Variants in SLC5A4 observed in about 807,000 individuals in gnomAD.
SLC5A4 encodes the protein probable glucose sensor protein SLC5A4.
A neutral mutation model predicts 70.3 loss-of-function variants in SLC5A4; 55 were observed. The observed-to-expected ratio is 0.78, with a 90% CI of 0.63 to 0.98. The LOEUF is 0.98. SLC5A4 is among the 50% of genes least tolerant of loss of function. The probability of loss-of-function intolerance (pLI) is 0.00; values close to 1 mark genes in which losing one functional copy is unlikely to be tolerated. For synonymous variants in SLC5A4, 268 were observed against 305.7 expected (o/e 0.88, Z 1.29); for missense variants, 735 against 839.2 (o/e 0.88, Z 1.53).
At chr22:32,307,848 A>G in the SLC5A4 span, among the ~76,000 whole-genome samples, 1 of 152,198 alleles carries the variant, frequency 6.6e-6, no homozygotes, top group Non-Finnish European at 1.5e-5. Context: ...GACTGTCCCA[A>G]TGCTGTGGGG....
At chr22:32,271,617 A>T in the SLC5A4 span, 8 of 660,024 alleles carry the variant, frequency 1.2e-5, no homozygotes, top group Non-Finnish European at 2.2e-5. Flanking sequence ...ATTTATGGCT[A>T]CTCAGGAGTG....
chr22:32,340,401 C>G, the SLC5A4 span, among the ~76,000 whole-genome samples: 95 of 152,320 alleles, frequency 6.2e-4, no homozygotes, highest in African/African-American at 2.3e-3. Context: ...AGGCACTGTT[C>G]TATATGCTGG....
At chr22:32,231,362 C>G (rs1394386129) in intron 9 of SLC5A4, among the ~76,000 whole-genome samples, 1 of 152,216 alleles carries the variant, frequency 6.6e-6, no homozygotes, top group Non-Finnish European at 1.5e-5. Flanking sequence ...ACCCCATCCT[C>G]TGGGAAAACA....
chr22:32,276,317 T>G, the SLC5A4 span, among the ~76,000 whole-genome samples: 1 of 152,334 alleles, frequency 6.6e-6, no homozygotes, highest in South Asian at 2.1e-4. Context: ...CATCACAGGC[T>G]CAGGGAGAAC....
the SLC5A4 span, among the ~76,000 whole-genome samples, chr22:32,315,661 A>C: frequency 6.6e-6 from 1 of 152,118 alleles, no homozygotes; most frequent in Non-Finnish European, 1.5e-5. Context: ...CAAAGACAAC[A>C]GAGACCGTAT....
At chr22:32,347,603 G>A in the SLC5A4 span, among the ~76,000 whole-genome samples, 32 of 149,964 alleles carry the variant, frequency 2.1e-4, no homozygotes, top group African/African-American at 7.1e-4. Context: ...ACTATCGCAA[G>A]GACAGAAAAC....
intron 8 of SLC5A4, 89 bp from the exon 9 acceptor site, chr22:32,233,123 A>G (rs1925860199): frequency 2.1e-6 from 3 of 1,406,330 alleles, no homozygotes; most frequent in South Asian, 2.7e-5. Flanking sequence ...TAATGTTGCA[A>G]TAAGAAATAA....
chr22:32,354,034 C>T, the SLC5A4 span, among the ~76,000 whole-genome samples: 1 of 151,254 alleles, frequency 6.6e-6, no homozygotes, highest in Non-Finnish European at 1.5e-5. Context: ...AGGTAGCCCC[C>T]GATAGCGCAC....
chr22:32,274,205 A>G, the SLC5A4 span, among the ~76,000 whole-genome samples: 1 of 151,922 alleles, frequency 6.6e-6, no homozygotes, highest in Non-Finnish European at 1.5e-5. Context: ...AAGCCTGGCT[A>G]ATTTTTTTTG....
chr22:32,257,916 C>T (rs143146420), upstream of SLC5A4, among the ~76,000 whole-genome samples: 406 of 150,436 alleles, frequency 2.7e-3, no homozygotes, highest in Non-Finnish European at 4.2e-3. Flanking sequence ...GTAATTCTCC[C>T]GCCTTGGCCT....
chr22:32,351,825 G>T, the SLC5A4 span, among the ~76,000 whole-genome samples: 6 of 150,072 alleles, frequency 4.0e-5, no homozygotes, highest in African/African-American at 1.2e-4. Flanking sequence ...GTTTGTTAAG[G>T]CCATTGCTTG....
At chr22:32,228,465 C>T (rs2123881504) in intron 11 of SLC5A4, among the ~76,000 whole-genome samples, 2 of 152,000 alleles carry the variant, frequency 1.3e-5, no homozygotes, top group Middle Eastern at 3.4e-3. Flanking sequence ...TCGCTTGAAC[C>T]CGGGAGGCGG....
chr22:32,261,046 C>G, the SLC5A4 span, among the ~76,000 whole-genome samples: 1 of 150,336 alleles, frequency 6.7e-6, no homozygotes, highest in Non-Finnish European at 1.5e-5. Flanking sequence ...GCACTCCAGC[C>G]TGGGTGACAG....
At chr22:32,269,613 C>G in the SLC5A4 span, 1 of 613,342 alleles carries the variant, frequency 1.6e-6, no homozygotes, top group South Asian at 1.4e-5. The surrounding 1 kb of genome is among the most constrained non-coding windows in gnomAD (Gnocchi z 4.1). Flanking sequence ...CACCCAGGCT[C>G]TGGCCGTACC....
intron 12 of SLC5A4, among the ~76,000 whole-genome samples, chr22:32,224,973 T>C (rs1254891465): frequency 6.6e-6 from 1 of 152,196 alleles, no homozygotes; most frequent in Non-Finnish European, 1.5e-5. Context: ...AAAAACTGTA[T>C]TGCATGGAGA....
chr22:32,233,492 T>G (rs553099349), intron 8 of SLC5A4, among the ~76,000 whole-genome samples: 1 of 151,988 alleles, frequency 6.6e-6, no homozygotes, highest in Non-Finnish European at 1.5e-5. Flanking sequence ...TAGGCAATAC[T>G]GGAAAAAGGA....
the SLC5A4 span, among the ~76,000 whole-genome samples, chr22:32,263,050 G>A: frequency 6.8e-6 from 1 of 147,032 alleles, no homozygotes. Flanking sequence ...TTACAGGCAT[G>A]AGCCACCGTG....
chr22:32,280,125 C>T, the SLC5A4 span, among the ~76,000 whole-genome samples: 1,650 of 152,278 alleles, frequency 0.011, 17 homozygotes, highest in Middle Eastern at 0.041. Context: ...AAGTAATTCT[C>T]GTGCCTCAGC....
chr22:32,305,348 T>G, the SLC5A4 span, among the ~76,000 whole-genome samples: 1 of 130,900 alleles, frequency 7.6e-6, no homozygotes, highest in East Asian at 2.2e-4. Context: ...TGTGCCTCTG[T>G]TGCTTCTTCA....
Sources: allele counts gnomAD v4.1 joint callset (sites outside exome capture counted in the v4.1 genomes callset), GRCh38; gene constraint gnomAD v4.1.1; non-coding constraint Gnocchi (gnomAD v3.1); transcripts MANE v1.5; gene names NCBI Gene and HGNC (gene_info 2026-07-23, HGNC 2026-07-21).